CCDC6: variants seen among roughly 807,000 people sequenced by gnomAD.
The protein encoded by CCDC6 is coiled-coil domain-containing protein 6.
CCDC6 carries 20 observed loss-of-function variants against 56.6 expected under a neutral mutation model. That is an observed-to-expected ratio of 0.35 (90% CI 0.25 to 0.51). The LOEUF is 0.51. Among genes scored for constraint, CCDC6 ranks in the 20% least tolerant of loss-of-function variants. The pLI is 0.95. For synonymous variants in CCDC6, 241 were observed against 234.4 expected (o/e 1.03, Z -0.26); for missense variants, 367 against 601.1 (o/e 0.61, Z 4.07).
intron 1 of CCDC6, among the ~76,000 whole-genome samples, chr10:59,854,448 T>C (rs2071063926): frequency 6.6e-6 from 1 of 152,160 alleles, no homozygotes; most frequent in Non-Finnish European, 1.5e-5. Context: ...GAAGGTCCAG[T>C]ACTCACATTT....
intron 6 of CCDC6, 90 bp from the exon 7 acceptor site, chr10:59,804,610 C>G: frequency 1.3e-6 from 1 of 756,124 alleles, no homozygotes; most frequent in Middle Eastern, 2.8e-4. Flanking sequence ...GGGTTCACAC[C>G]TTGAGGTCAA....
At chr10:59,901,359 A>G (rs7089573) in intron 1 of CCDC6, among the ~76,000 whole-genome samples, 8,083 of 152,320 alleles carry the variant, frequency 0.053, 357 homozygotes, top group African/African-American at 0.12. Flanking sequence ...GAGTCTGACA[A>G]AAGTCTTAAA....
chr10:59,882,678 T>C (rs1410995214), intron 1 of CCDC6, among the ~76,000 whole-genome samples: 1 of 120,132 alleles, frequency 8.3e-6, no homozygotes, highest in Admixed American at 8.9e-5. Context: ...TTAGTGAAAC[T>C]GGCCAGGAGC....
intron 1 of CCDC6, among the ~76,000 whole-genome samples, chr10:59,886,890 T>G (rs2071386635): frequency 6.6e-6 from 1 of 152,190 alleles, no homozygotes. Flanking sequence ...GAAATGATGC[T>G]TATCCACCCC....
chr10:59,827,622 CTAAGA>C (rs2070799239), intron 3 of CCDC6, among the ~76,000 whole-genome samples: 1 of 152,132 alleles, frequency 6.6e-6, no homozygotes, highest in Non-Finnish European at 1.5e-5. Context: ...ACTACACGGG[CTAAGA>C]TATCATTATA....
intron 1 of CCDC6, among the ~76,000 whole-genome samples, chr10:59,877,110 TAC>T (rs570291442): frequency 7.3e-4 from 111 of 152,334 alleles, no homozygotes; most frequent in African/African-American, 2.5e-3. Context: ...ACGACTGTCT[TAC>T]ACACAGTCCA....
At chr10:59,903,078 T>G (rs2071516050) in intron 1 of CCDC6, among the ~76,000 whole-genome samples, 1 of 152,150 alleles carries the variant, frequency 6.6e-6, no homozygotes, top group South Asian at 2.1e-4. Context: ...TACTGTATGA[T>G]TCCAACTATA....
At chr10:59,866,509 T>G (rs904877699) in intron 1 of CCDC6, among the ~76,000 whole-genome samples, 2 of 152,188 alleles carry the variant, frequency 1.3e-5, no homozygotes, top group African/African-American at 4.8e-5. Flanking sequence ...CACTGGACAA[T>G]CATCCTTGAT....
At chr10:59,861,432 C>CAA (rs55716341) in intron 1 of CCDC6, among the ~76,000 whole-genome samples, 9,708 of 88,560 alleles carry the variant, frequency 0.11, 451 homozygotes, top group East Asian at 0.2. Context: ...CAAAAATTAC[C>CAA]AAAAAAAAAA....
intron 3 of CCDC6, among the ~76,000 whole-genome samples, chr10:59,824,225 T>C (rs2070768578): frequency 6.6e-6 from 1 of 152,192 alleles, no homozygotes; most frequent in Admixed American, 6.5e-5. Context: ...GAGAGACTTA[T>C]CTGTGTCCCT....
At chr10:59,858,670 CT>C (rs1286924127) in intron 1 of CCDC6, among the ~76,000 whole-genome samples, 2 of 152,210 alleles carry the variant, frequency 1.3e-5, no homozygotes, top group Non-Finnish European at 2.9e-5. Context: ...TAGAACACAG[CT>C]TTGCATACAC....
In CCDC6 at chr10:59,796,768, C is replaced by A. The variant is rs190220576; in HGVS notation, c.1106-2171G>T. On this transcript the variant is annotated intron_variant, in intron 7 of 8. Coordinates refer to ENST00000263102, the MANE Select transcript of CCDC6 (RefSeq NM_005436.5). ...AGGTCACAAGGTCAGGAGATCGAGA[C>A]CATCTTGGCTAACATGGTGAAACCC... Among the ~76,000 whole-genome samples, 160 of 152,146 alleles carry A rather than the reference C, an allele frequency of 1.1e-3. 1 individual carries two copies. The highest frequency in any genetic ancestry group is 2.3e-3 in the Admixed American group (35 of 15,292).
At chr10:59,807,965 T>G (rs544476537) in intron 5 of CCDC6, among the ~76,000 whole-genome samples, 1 of 152,360 alleles carries the variant, frequency 6.6e-6, no homozygotes, top group South Asian at 2.1e-4. Context: ...CATAGTAAAC[T>G]AGAAAACTTC....
intron 2 of CCDC6, among the ~76,000 whole-genome samples, chr10:59,844,759 AAAAAG>A (rs1420492220): frequency 1.5e-4 from 18 of 120,482 alleles, no homozygotes; most frequent in African/African-American, 4.6e-4. Flanking sequence ...AAAAAAAAAA[AAAAAG>A]AGAGAGAGAG....
chr10:59,801,553 T>A (rs2070574743), intron 7 of CCDC6, among the ~76,000 whole-genome samples: 1 of 152,150 alleles, frequency 6.6e-6, no homozygotes, highest in Non-Finnish European at 1.5e-5. Flanking sequence ...TTTGCCAGGT[T>A]TTCATCTTAT....
intron 7 of CCDC6, among the ~76,000 whole-genome samples, chr10:59,802,770 TGTTAA>T (rs2070588975): frequency 6.6e-6 from 1 of 152,228 alleles, no homozygotes; most frequent in African/African-American, 2.4e-5. Context: ...GAAGAATCTT[TGTTAA>T]AATAGAAGGA....
At chr10:59,842,106 G>A (rs944194002) in intron 2 of CCDC6, among the ~76,000 whole-genome samples, 2 of 151,620 alleles carry the variant, frequency 1.3e-5, no homozygotes, top group Admixed American at 6.6e-5. Flanking sequence ...GCAGTGGTAC[G>A]ATCTTGGCTC....
intron 1 of CCDC6, among the ~76,000 whole-genome samples, chr10:59,872,784 G>T (rs143048855): frequency 5.1e-5 from 6 of 118,686 alleles, no homozygotes; most frequent in East Asian, 7.4e-4. Context: ...CCAGATGGGG[G>T]GGTGGGGGAA....
At chr10:59,807,650 T>C (rs1230863301) in intron 5 of CCDC6, among the ~76,000 whole-genome samples, 1 of 152,214 alleles carries the variant, frequency 6.6e-6, no homozygotes, top group Non-Finnish European at 1.5e-5. Context: ...CTCCCACTCA[T>C]TTGCATTCTA....
Sources: gnomAD v4.1 joint callset for allele counts (sites outside exome capture counted in the v4.1 genomes callset) on GRCh38, gnomAD v4.1.1 for gene constraint, MANE v1.5 for transcripts, NCBI Gene and HGNC (gene_info 2026-07-23, HGNC 2026-07-21) for gene names.